The following SERGEF variants were observed in gnomAD, a reference collection of about 807,000 sequenced individuals.
SERGEF encodes secretion-regulating guanine nucleotide exchange factor.
A neutral mutation model predicts 50.0 loss-of-function variants in SERGEF; 51 were observed. The observed-to-expected ratio is 1.02, with a 90% CI of 0.81 to 1.29. The LOEUF (loss-of-function observed/expected upper bound fraction) is 1.29. SERGEF is among the 50% of genes most tolerant of loss of function. The pLI is 0.00. For synonymous variants in SERGEF, 205 were observed against 212.4 expected, an observed-to-expected ratio of 0.97 and a Z score of 0.30; for missense variants, 521 against 557.0, an observed-to-expected ratio of 0.94 and a Z score of 0.65.
chr11:17,976,183 C>T (rs1372852174), intron 8 of SERGEF, among the ~76,000 whole-genome samples: 1 of 152,144 alleles, frequency 6.6e-6, no homozygotes, highest in Non-Finnish European at 1.5e-5. Context: ...GGTAAAAAGT[C>T]ACTCTCTGAT....
intron 9 of SERGEF, among the ~76,000 whole-genome samples, chr11:17,940,824 C>T (rs910594509): frequency 2.0e-5 from 3 of 152,264 alleles, no homozygotes; most frequent in African/African-American, 7.2e-5. Flanking sequence ...TATGAACCAC[C>T]GCCCAAGGTC....
intron 8 of SERGEF, among the ~76,000 whole-genome samples, chr11:17,981,747 G>T (rs558950727): frequency 3.9e-5 from 6 of 152,254 alleles, no homozygotes; most frequent in African/African-American, 1.4e-4. Context: ...TATCCTTAAA[G>T]AAATCTATGG....
At chr11:17,911,396 T>C (rs1301517454) in intron 9 of SERGEF, among the ~76,000 whole-genome samples, 1 of 147,788 alleles carries the variant, frequency 6.8e-6, no homozygotes, top group East Asian at 1.9e-4. Flanking sequence ...TATACACACA[T>C]ATATATACAC....
chr11:17,873,432 G>A (rs551515861), intron 10 of SERGEF, among the ~76,000 whole-genome samples: 58 of 152,230 alleles, frequency 3.8e-4, no homozygotes, highest in Non-Finnish European at 7.4e-4. Flanking sequence ...CCTAGGGTTT[G>A]GAGATATCAC....
At chr11:17,969,224 C>T (rs1245226100) in intron 8 of SERGEF, among the ~76,000 whole-genome samples, 1 of 152,152 alleles carries the variant, frequency 6.6e-6, no homozygotes, top group Non-Finnish European at 1.5e-5. Flanking sequence ...CAGCACATCA[C>T]ACTGCTAGTT....
At chr11:17,876,818 A>G (rs1224901463) in intron 10 of SERGEF, among the ~76,000 whole-genome samples, 1 of 152,240 alleles carries the variant, frequency 6.6e-6, no homozygotes, top group Non-Finnish European at 1.5e-5. Context: ...GCAATGTCCT[A>G]GGCACCGCCT....
At chr11:17,968,061 G>A (rs1475828326) in intron 8 of SERGEF, among the ~76,000 whole-genome samples, 1 of 152,344 alleles carries the variant, frequency 6.6e-6, no homozygotes, top group African/African-American at 2.4e-5. Flanking sequence ...TCCAAACATA[G>A]GGTTATTTGA....
chr11:17,935,890 G>A (rs1852441833), intron 9 of SERGEF, among the ~76,000 whole-genome samples: 1 of 152,180 alleles, frequency 6.6e-6, no homozygotes, highest in Admixed American at 6.5e-5. Flanking sequence ...AGCAAAGTGG[G>A]GAGATGGGGC....
intron 10 of SERGEF, among the ~76,000 whole-genome samples, chr11:17,792,459 G>A (rs940123395): frequency 5.3e-5 from 8 of 152,244 alleles, no homozygotes; most frequent in Non-Finnish European, 5.9e-5. Context: ...CCTACCAGCA[G>A]GACACAGCAC....
At chr11:17,839,886 T>C (rs951907639) in intron 10 of SERGEF, among the ~76,000 whole-genome samples, 3 of 152,194 alleles carry the variant, frequency 2.0e-5, no homozygotes, top group African/African-American at 7.2e-5. Flanking sequence ...CTAATTTACA[T>C]AGCTAGAAGA....
chr11:17,956,070 G>A (rs1852864136), intron 9 of SERGEF, among the ~76,000 whole-genome samples: 2 of 152,152 alleles, frequency 1.3e-5, no homozygotes, highest in Non-Finnish European at 2.9e-5. Context: ...TGCCTAGAGA[G>A]GCCCAGTATC....
At chr11:17,815,902 CAGTG>C (rs1316232112) in intron 10 of SERGEF, among the ~76,000 whole-genome samples, 1 of 152,096 alleles carries the variant, frequency 6.6e-6, no homozygotes, top group Admixed American at 6.6e-5. Context: ...AGCCTGGCGA[CAGTG>C]AGACTCCATC....
chr11:17,894,442 T>C (rs565930531), intron 9 of SERGEF, among the ~76,000 whole-genome samples: 2 of 152,208 alleles, frequency 1.3e-5, no homozygotes, highest in Non-Finnish European at 1.5e-5. Context: ...AGTAAGTGGA[T>C]GGGCCACTTC....
At chr11:17,836,850 C>T (rs1850409357) in intron 10 of SERGEF, among the ~76,000 whole-genome samples, 1 of 152,130 alleles carries the variant, frequency 6.6e-6, no homozygotes, top group African/African-American at 2.4e-5. Context: ...TTATACCACT[C>T]ACTGAGATTC....
Position 17,900,679 on chromosome 11 carries a change from C to T in SERGEF, c.1012-22435G>A, listed in dbSNP as rs140273378. On this transcript the variant is annotated intron_variant, in intron 9 of 10. Coordinates refer to ENST00000265965, the MANE Select transcript of SERGEF (RefSeq NM_012139.4). ...GCTTTGCCAACCATAAACGTTCATACAAACATGAACCACTGGTGTTACTAT... is the reference window on the plus strand; with the variant it reads ...GCTTTGCCAACCATAAACGTTCATATAAACATGAACCACTGGTGTTACTAT... Among the ~76,000 whole-genome samples, 146 of 152,264 alleles carry T rather than the reference C, an allele frequency of 9.6e-4. 1 individual carries two copies. Among genetic ancestry groups the T allele is most frequent in the Middle Eastern group, 3.4e-3 (1 of 294 alleles).
chr11:17,880,517 T>C (rs1018525084), intron 9 of SERGEF, among the ~76,000 whole-genome samples: 1 of 152,158 alleles, frequency 6.6e-6, no homozygotes, highest in South Asian at 2.1e-4. Context: ...AAATTGTATA[T>C]GTAATATGAT....
chr11:17,934,946 C>T (rs1852422678), intron 9 of SERGEF, among the ~76,000 whole-genome samples: 1 of 152,134 alleles, frequency 6.6e-6, no homozygotes, highest in African/African-American at 2.4e-5. Context: ...CTATTTCTCA[C>T]TTAATTTAGA....
chr11:17,958,467 C>T (rs1014903007), intron 9 of SERGEF, among the ~76,000 whole-genome samples: 11 of 152,074 alleles, frequency 7.2e-5, no homozygotes, highest in African/African-American at 2.7e-4. Context: ...AACGCACACC[C>T]TGGAGAAATT....
At chr11:17,863,514 C>G (rs563462175) in intron 10 of SERGEF, 1 of 152,220 alleles carries the variant, frequency 6.6e-6, no homozygotes, top group African/African-American at 2.4e-5. Context: ...TACCCTTCCT[C>G]CACTGAGGAG....
Sources: allele counts gnomAD v4.1 joint callset (sites outside exome capture counted in the v4.1 genomes callset), GRCh38; gene constraint gnomAD v4.1.1; transcripts MANE v1.5; gene names NCBI Gene and HGNC (gene_info 2026-07-23, HGNC 2026-07-21).